RBFOX1: variants seen among roughly 807,000 people sequenced by gnomAD.
RBFOX1 encodes the protein RNA binding protein fox-1 homolog 1.
A neutral mutation model predicts 57.7 loss-of-function variants in RBFOX1; 8 were observed. The observed-to-expected ratio is 0.14, with a 90% CI of 0.08 to 0.25. RBFOX1 has a LOEUF of 0.25. Among genes scored for constraint, RBFOX1 ranks in the 10% least tolerant of loss-of-function variants. The pLI, the probability that RBFOX1 is intolerant of heterozygous loss-of-function variation, is 1.00. For synonymous variants in RBFOX1, 326 were observed against 222.4 expected, an observed-to-expected ratio of 1.47 and a Z score of -4.15; for missense variants, 611 against 548.5, an observed-to-expected ratio of 1.11 and a Z score of -1.14.
chr16:5,502,265 C>A (rs115726167), intron 2 of RBFOX1, among the ~76,000 whole-genome samples: 1 of 152,070 alleles, frequency 6.6e-6, no homozygotes, highest in African/African-American at 2.4e-5. Context: ...GGCAGGGATG[C>A]CTTTCACCCC....
At chr16:7,701,440 A>C (rs921830790) in intron 14 of RBFOX1, among the ~76,000 whole-genome samples, 2 of 152,180 alleles carry the variant, frequency 1.3e-5, no homozygotes, top group African/African-American at 4.8e-5. Context: ...TAAACTGTGC[A>C]TGTGAGGCAT....
chr16:6,571,858 A>T (rs1157301296), intron 2 of RBFOX1, among the ~76,000 whole-genome samples: 1 of 151,936 alleles, frequency 6.6e-6, no homozygotes, highest in African/African-American at 2.4e-5. Context: ...GGTTTGATTG[A>T]GGATGATATT....
intron 3 of RBFOX1, among the ~76,000 whole-genome samples, chr16:6,882,885 C>T (rs765883214): frequency 2.6e-5 from 4 of 152,144 alleles, no homozygotes; most frequent in Non-Finnish European, 5.9e-5. Context: ...TGCTCTGTTC[C>T]TATTTTCCAT....
intron 3 of RBFOX1, among the ~76,000 whole-genome samples, chr16:6,768,311 A>C (rs972735377): frequency 6.6e-6 from 1 of 151,792 alleles, no homozygotes; most frequent in African/African-American, 2.4e-5. Flanking sequence ...TTTATATGAC[A>C]ATAAAGAGTC....
At chr16:6,234,738 T>TGAA (rs2097491943) in intron 1 of RBFOX1, among the ~76,000 whole-genome samples, 1 of 152,106 alleles carries the variant, frequency 6.6e-6, no homozygotes, top group Admixed American at 6.6e-5. Flanking sequence ...GGTGAAGAAG[T>TGAA]TCTGCATCTT....
intron 1 of RBFOX1, among the ~76,000 whole-genome samples, chr16:5,303,612 C>G (rs11076905): frequency 6.6e-6 from 1 of 151,844 alleles, no homozygotes; most frequent in Non-Finnish European, 1.5e-5. Flanking sequence ...TTCCAAACAG[C>G]GCTTGGGTCC....
intron 3 of RBFOX1, among the ~76,000 whole-genome samples, chr16:6,743,347 C>G (rs144096035): frequency 2.0e-4 from 31 of 152,178 alleles, no homozygotes; most frequent in African/African-American, 6.5e-4. Flanking sequence ...TATTAATGTT[C>G]TAAATATACT....
At chr16:7,516,569 C>T (rs1489644829) in intron 4 of RBFOX1, among the ~76,000 whole-genome samples, 1 of 152,148 alleles carries the variant, frequency 6.6e-6, no homozygotes, top group Non-Finnish European at 1.5e-5. Flanking sequence ...GCAACTCAGC[C>T]TCAACATAGG....
At chr16:7,012,091 C>G (rs561486941) in intron 3 of RBFOX1, among the ~76,000 whole-genome samples, 5 of 152,228 alleles carry the variant, frequency 3.3e-5, no homozygotes, top group Non-Finnish European at 7.4e-5. Flanking sequence ...TATGGAGTCA[C>G]CAATGAGAAA....
chr16:5,927,116 C>T (rs113540065), intron 4 of RBFOX1, among the ~76,000 whole-genome samples: 5,578 of 152,164 alleles, frequency 0.037, 148 homozygotes, highest in Non-Finnish European at 0.053. Context: ...AAATTGATTC[C>T]ATTTTGACTG....
intron 1 of RBFOX1, among the ~76,000 whole-genome samples, chr16:6,220,164 G>A (rs1484987021): frequency 6.6e-6 from 1 of 151,856 alleles, no homozygotes; most frequent in Non-Finnish European, 1.5e-5. Context: ...ATATGTGTGT[G>A]TATATATATA....
intron 4 of RBFOX1, among the ~76,000 whole-genome samples, chr16:7,123,344 A>C (rs1241441644): frequency 6.6e-6 from 1 of 152,118 alleles, no homozygotes; most frequent in Non-Finnish European, 1.5e-5. Flanking sequence ...GAAAAAGTGT[A>C]GAATTACCAT....
At position 7,224,918 on chromosome 16, in the gene RBFOX1, C is replaced by T. The variant is rs530298121; in HGVS notation, c.27+172820C>T. Among the ~76,000 whole-genome samples, 58 of 152,276 alleles carry T rather than the reference C, an allele frequency of 3.8e-4. No homozygotes were observed. In the South Asian group the frequency reaches 0.012, roughly 31 times the overall value. ...TCATGTACTTTGAGTTAGAGAAGCA[C>T]TGTCCTAGTCACAGTGATGAGGAGG... On this transcript the variant is annotated intron_variant, in intron 4 of 15. Coordinates refer to ENST00000550418, the MANE Select transcript of RBFOX1 (RefSeq NM_018723.4).
intron 4 of RBFOX1, chr16:7,510,145 AG>A: frequency 1.0e-6 from 1 of 985,722 alleles, no homozygotes; most frequent in Non-Finnish European, 1.2e-6. Context: ...GAGGTCAGCC[AG>A]GCGGCCTCAG....
chr16:6,670,667 A>G (rs1484231291), intron 3 of RBFOX1, among the ~76,000 whole-genome samples: 3 of 152,178 alleles, frequency 2.0e-5, no homozygotes, highest in Non-Finnish European at 4.4e-5. Flanking sequence ...AAATAAGAAT[A>G]CTACCTTTTC....
At chr16:6,353,663 G>A (rs1217764011) in intron 2 of RBFOX1, among the ~76,000 whole-genome samples, 2 of 152,036 alleles carry the variant, frequency 1.3e-5, no homozygotes, top group Admixed American at 6.6e-5. Context: ...AAGGACCCTC[G>A]ATGTCCCTAG....
At chr16:5,481,369 T>G (rs1454528532) in intron 2 of RBFOX1, among the ~76,000 whole-genome samples, 1 of 152,216 alleles carries the variant, frequency 6.6e-6, no homozygotes, top group Non-Finnish European at 1.5e-5. Flanking sequence ...TAGGCTGCGC[T>G]GATGGACTGG....
At chr16:6,798,830 A>G (rs1022674220) in intron 3 of RBFOX1, among the ~76,000 whole-genome samples, 45 of 152,160 alleles carry the variant, frequency 3.0e-4, no homozygotes, top group African/African-American at 1.1e-3. Context: ...TGTGTTCCCT[A>G]GGATGCTTCG....
chr16:6,900,079 G>C (rs1323678081), intron 3 of RBFOX1, among the ~76,000 whole-genome samples: 1 of 152,148 alleles, frequency 6.6e-6, no homozygotes, highest in African/African-American at 2.4e-5. Flanking sequence ...CTCATAAAAT[G>C]CTTAGAACAG....
Sources: allele counts gnomAD v4.1 joint callset (sites outside exome capture counted in the v4.1 genomes callset), GRCh38; gene constraint gnomAD v4.1.1; transcripts MANE v1.5; gene names NCBI Gene and HGNC (gene_info 2026-07-23, HGNC 2026-07-21).